DOCK6: variants seen among roughly 807,000 people sequenced by gnomAD.
The protein encoded by DOCK6 is dedicator of cytokinesis protein 6.
A neutral mutation model predicts 230.3 loss-of-function variants in DOCK6; 167 were observed. The ratio of observed to expected loss-of-function variants is 0.73; its 90% confidence interval spans 0.64 to 0.82. The LOEUF is 0.82. Ranked by LOEUF, DOCK6 falls within the 40% of genes least tolerant of loss-of-function variation. DOCK6 has a pLI of 0.00. For missense variants in DOCK6, 2,598 were observed against 2,825.8 expected (o/e 0.92, Z 1.83); for synonymous variants, 1,148 against 1,185.0 (o/e 0.97, Z 0.64).
chr19:11,214,388 G>C lies in DOCK6; in HGVS notation c.4225C>G (p.Arg1409Gly). ...IVQTVMLSEA[R>G]ESVLGAVLKV... ...AGCACTGCCCCCAAGACGCTCTCCC[G>C]GGCTTCTGAAAGCATCACCGTCTGG... Residue 1409 changes from arginine (R) to glycine (G), a missense_variant, in exon 34 of 48, where the codon CGG becomes GGG. Arg to Gly is a moderately radical substitution (Grantham distance 125). Transcript: ENST00000294618. 1 of 1,613,654 alleles carries C rather than the reference G, an allele frequency of 6.2e-7. No individual in the cohort carries two copies. The highest frequency in any genetic ancestry group is 8.5e-7 in the Non-Finnish European group (1 of 1,179,810).
chr19:11,231,290 ACCC>A, intron 22 of DOCK6, among the ~76,000 whole-genome samples: 1 of 131,420 alleles, frequency 7.6e-6, no homozygotes, highest in African/African-American at 2.8e-5. Flanking sequence ...GAACACCCAC[ACCC>A]ACCCACCCTT....
Position 11,235,727 on chromosome 19 carries a change from C to T in DOCK6, c.2425G>A (p.Ala809Thr), listed in dbSNP as rs771282944. The part of the protein sequence containing the change: ...NLGRGAFEAM[A>T]HVVSLVHRSL... Reference sequence around the variant, plus strand: ...CGGTGAACAAGGCTGACTACATGGGCCATTGCTTCAAAGGCTCCACGGCCC... The same window carrying T: ...CGGTGAACAAGGCTGACTACATGGGTCATTGCTTCAAAGGCTCCACGGCCC... The change falls in exon 21 of 48, where the codon GCC becomes ACC. Residue 809 changes from alanine (A) to threonine (T), a missense_variant. By Grantham distance (58) the Ala-to-Thr change is moderately conservative (BLOSUM62 0). Coordinates refer to ENST00000294618, the MANE Select transcript of DOCK6 (RefSeq NM_020812.4). 3 of 1,598,514 alleles carry T rather than the reference C, an allele frequency of 1.9e-6. No homozygotes were observed. The highest frequency in any genetic ancestry group is 8.5e-7 in the Non-Finnish European group (1 of 1,172,160).
intron 31 of DOCK6, 114 bp from the exon 32 acceptor site, chr19:11,215,585 G>A: frequency 7.7e-7 from 1 of 1,303,442 alleles, no homozygotes; most frequent in Non-Finnish European, 1.1e-6. Context: ...TGAGGGCACT[G>A]GGTGGAGCAG....
At chr19:11,216,706 G>T (rs1466064170) in intron 30 of DOCK6, 4 of 589,466 alleles carry the variant, frequency 6.8e-6, no homozygotes, top group Non-Finnish European at 1.2e-5. Context: ...ACTGCACCCG[G>T]CCTCCACCTT....
chr19:11,200,337 C>T lies in DOCK6; in HGVS notation c.6072G>A (p.Gln2024=). 6.4e-7 allele frequency: 1 copy of T among 1,574,652 alleles called. No individual in the cohort carries two copies. Among genetic ancestry groups the T allele is most frequent in the South Asian group, 1.2e-5 (1 of 85,842 alleles). The change falls in exon 47 of 48, where the codon CAG becomes CAA. Residue 2024 remains glutamine, a synonymous_variant. Transcript: ENST00000294618. This position sits in a 1 kb window ranked among gnomAD's most constrained non-coding sequence, Gnocchi z 4.3. ...GGCCGGGTGGGGTGGGTGCCATCAG[C>T]TGGGGCAGGCGCTGGGTAAGCAGGG... ...LQPLLTQRLP[Q]LMAPTPPGLR... is the part of the protein sequence containing the mutation.
At chr19:11,260,227 C>T (rs1357767681) in intron 1 of DOCK6, among the ~76,000 whole-genome samples, 4 of 152,064 alleles carry the variant, frequency 2.6e-5, no homozygotes, top group Non-Finnish European at 4.4e-5. Flanking sequence ...GTATCCAAAA[C>T]CCCTCTTTCT....
In DOCK6 at chr19:11,202,786, G is replaced by A. The variant is rs1033956737; in HGVS notation, c.5236-77C>T. 6.2e-6 allele frequency: 10 copies of A among 1,600,642 alleles called. No homozygotes were observed. In the African/African-American group the frequency reaches 1.1e-4, roughly 17 times the overall value. The stretch of plus-strand genomic sequence containing the variant: ...TCCCTGCCCCAGAGATAGGTGTCTC[G>A]AATATCAGGATGGGAGTGTGAGGAC... On this transcript the variant is annotated intron_variant, in intron 41 of 47. Coordinates refer to ENST00000294618, the MANE Select transcript of DOCK6 (RefSeq NM_020812.4). This position sits in a 1 kb window ranked among gnomAD's most constrained non-coding sequence, Gnocchi z 5.3.
chr19:11,231,115 G>A (rs2079759027), intron 22 of DOCK6, among the ~76,000 whole-genome samples: 1 of 152,178 alleles, frequency 6.6e-6, no homozygotes, highest in South Asian at 2.1e-4. Context: ...TCTGCTAGGA[G>A]TCCCCTGGGC....
At chr19:11,221,304 G>C (rs1404853646) in intron 28 of DOCK6, 1 of 162,764 alleles carries the variant, frequency 6.1e-6, no homozygotes, top group South Asian at 1.7e-4. Context: ...TAATATATGT[G>C]TAATTGGAGT....
intron 1 of DOCK6, among the ~76,000 whole-genome samples, chr19:11,259,024 T>G (rs1219369799): frequency 6.6e-6 from 1 of 151,884 alleles, no homozygotes. Flanking sequence ...GCTCGGATTA[T>G]AGGCATGAGC....
chr19:11,232,075 G>T, intron 22 of DOCK6: 1 of 726,224 alleles, frequency 1.4e-6, no homozygotes, highest in Non-Finnish European at 2.0e-6. Flanking sequence ...AGAGGGGTCT[G>T]CCACCTCCTT....
At chr19:11,221,446 C>G in intron 28 of DOCK6, 1 of 176,926 alleles carries the variant, frequency 5.7e-6, no homozygotes, top group Admixed American at 5.6e-5. Flanking sequence ...ATACCACCCC[C>G]CTCAACAATG....
At chr19:11,241,473 T>C in intron 14 of DOCK6, 1 of 1,551,708 alleles carries the variant, frequency 6.4e-7, no homozygotes, top group East Asian at 2.4e-5. Context: ...AGCCACATCC[T>C]ATGGGCCCTC....
chr19:11,232,940 C>T (rs1358081350), intron 22 of DOCK6, among the ~76,000 whole-genome samples: 2 of 152,064 alleles, frequency 1.3e-5, no homozygotes, highest in South Asian at 2.1e-4. Context: ...GCACCTGCTA[C>T]ACTAGGTACA....
intron 7 of DOCK6, 91 bp from the exon 8 acceptor site, chr19:11,245,969 C>A: frequency 2.9e-6 from 4 of 1,395,344 alleles, no homozygotes; most frequent in Non-Finnish European, 4.0e-6. Context: ...TGGGGGGCAT[C>A]TGACTCCCAC....
In DOCK6 at chr19:11,200,313, G is replaced by A. The variant is rs765936404; in HGVS notation, c.6096C>T (p.Gly2032=). 4 of 1,563,872 alleles carry A rather than the reference G, an allele frequency of 2.6e-6. No individual in the cohort carries two copies. In the South Asian group the frequency reaches 4.7e-5, roughly 18 times the overall value. The change falls in exon 47 of 48, where the codon GGC becomes GGT. Residue 2032 remains glycine, a synonymous_variant. Coordinates refer to ENST00000294618, the MANE Select transcript of DOCK6 (RefSeq NM_020812.4). This position sits in a 1 kb window ranked among gnomAD's most constrained non-coding sequence, Gnocchi z 4.3. ...GGGGGCACTAGGTCAGGCACCTGAG[G>A]CCGGGTGGGGTGGGTGCCATCAGCT... The part of the protein sequence containing the change: ...LPQLMAPTPP[G]LRNSLNRASF...
Position 11,212,123 on chromosome 19 carries a change from G to A in DOCK6, c.4520C>T (p.Thr1507Ile). The A allele has an allele frequency of 6.2e-7, 1 of 1,611,736 alleles. No individual in the cohort carries two copies. Among genetic ancestry groups the A allele is most frequent in the Admixed American group, 1.7e-5 (1 of 59,966 alleles). ...CCCCACCAGGGACGAGAGAGACATG[G>A]TGACCTGCATCTTCACACGGGCAAA... is the stretch of plus-strand genomic sequence containing the variant. ...HNFARVKMQV[T>I]MSLSSLVGTT... The change falls in exon 36 of 48, where the codon ACC (threonine) becomes ATC (isoleucine). Residue 1507 changes from threonine (T) to isoleucine (I), a missense_variant. Thr to Ile is a moderately conservative substitution (Grantham distance 89). Transcript: ENST00000294618.
At position 11,252,970 on chromosome 19, in the gene DOCK6, C is replaced by A. The variant is rs745569968; in HGVS notation, c.133-12G>T. 1.3e-6 allele frequency: 2 copies of A among 1,596,468 alleles called. No homozygotes were observed. Among genetic ancestry groups the A allele is most frequent in the Admixed American group, 1.8e-5 (1 of 56,918 alleles). ...TCAGTCAGTGGGACCTGGATTGGAG[C>A]AAAGTGGCTGTGATCGCACTACCTA... is the stretch of plus-strand genomic sequence containing the variant. On this transcript the variant is annotated splice_polypyrimidine_tract_variant and intron_variant, in intron 2 of 47. Coordinates refer to ENST00000294618, the MANE Select transcript of DOCK6 (RefSeq NM_020812.4).
chr19:11,215,186 G>A (rs925505121), intron 32 of DOCK6, among the ~76,000 whole-genome samples: 3 of 151,466 alleles, frequency 2.0e-5, no homozygotes, highest in African/African-American at 4.9e-5. Flanking sequence ...CTTGTGATCC[G>A]CCTGCCTCGG....
Sources: allele counts gnomAD v4.1 joint callset (sites outside exome capture counted in the v4.1 genomes callset), GRCh38; gene constraint gnomAD v4.1.1; non-coding constraint Gnocchi (gnomAD v3.1); transcripts MANE v1.5; gene names NCBI Gene and HGNC (gene_info 2026-07-23, HGNC 2026-07-21).